Variants in EYS observed in about 807,000 individuals in gnomAD.
The protein encoded by EYS is protein eyes shut homolog.
In EYS, 250 loss-of-function variants were observed where a neutral mutation model predicts 282.1. That is an observed-to-expected ratio of 0.89 (90% CI 0.80 to 0.98). The LOEUF is 0.98. Ranked by LOEUF, EYS falls within the 50% of genes least tolerant of loss-of-function variation. The probability of loss-of-function intolerance (pLI) is 0.00; values close to 1 mark genes in which losing one functional copy is unlikely to be tolerated. For synonymous variants in EYS, 1,355 were observed against 1,282.9 expected, an observed-to-expected ratio of 1.06 and a Z score of -1.20; for missense variants, 4,016 against 3,709.0, an observed-to-expected ratio of 1.08 and a Z score of -2.15.
intron 31 of EYS, among the ~76,000 whole-genome samples, chr6:64,198,536 C>G (rs942840050): frequency 6.6e-6 from 1 of 151,730 alleles, no homozygotes; most frequent in African/African-American, 2.4e-5. Flanking sequence ...TACATGGGTT[C>G]TCATTGTTCA....
chr6:65,445,184 C>G (rs1768605922), intron 5 of EYS, among the ~76,000 whole-genome samples: 1 of 151,712 alleles, frequency 6.6e-6, no homozygotes, highest in African/African-American at 2.4e-5. Flanking sequence ...CCTAGTATGA[C>G]AAGCCAAAGG....
chr6:65,244,069 T>C (rs1414458816), intron 12 of EYS, among the ~76,000 whole-genome samples: 1 of 152,216 alleles, frequency 6.6e-6, no homozygotes, highest in Non-Finnish European at 1.5e-5. Context: ...CTCACTCTGA[T>C]AAATGGCAAT....
Position 63,789,205 on chromosome 6 carries a change from G to A in EYS, c.7431C>T (p.Phe2477=). 1 of 1,551,868 alleles carries A rather than the reference G, an allele frequency of 6.4e-7. No homozygotes were observed. The highest frequency in any genetic ancestry group is 8.7e-7 in the Non-Finnish European group (1 of 1,146,946). ...QKGHGLNGDD[F]LAVGLLNGSV... is the part of the protein sequence containing the mutation. ...TGCCATTGAGCAGGCCCACAGCCAG[G>A]AAGTCATCGCCATTCAACCCTGGAA... Residue 2477 remains phenylalanine, a synonymous_variant, in exon 38 of 43, where the codon TTC becomes TTT. Coordinates refer to ENST00000503581, the MANE Select transcript of EYS (RefSeq NM_001142800.2).
At chr6:65,500,871 T>A (rs183433906) in intron 2 of EYS, among the ~76,000 whole-genome samples, 3 of 151,892 alleles carry the variant, frequency 2.0e-5, no homozygotes, top group Non-Finnish European at 4.4e-5. Flanking sequence ...CACAAGACTG[T>A]CACAGATGAG....
chr6:65,560,954 C>T (rs1021568579), intron 2 of EYS, among the ~76,000 whole-genome samples: 4 of 151,684 alleles, frequency 2.6e-5, no homozygotes, highest in Non-Finnish European at 4.4e-5. Flanking sequence ...TTTTAAAGAC[C>T]TATTGGTACT....
chr6:64,618,688 T>A (rs1008100335), intron 23 of EYS, among the ~76,000 whole-genome samples: 10 of 152,200 alleles, frequency 6.6e-5, no homozygotes, highest in Admixed American at 5.9e-4. Flanking sequence ...GACATGGCAA[T>A]GTCCACATCA....
chr6:65,016,741 A>G (rs1193692872), intron 13 of EYS, among the ~76,000 whole-genome samples: 4 of 152,190 alleles, frequency 2.6e-5, no homozygotes, highest in African/African-American at 7.2e-5. Context: ...AAGGACATAT[A>G]GCAGGAAAAC....
chr6:63,918,887 T>A (rs1162519764), intron 35 of EYS, among the ~76,000 whole-genome samples: 1 of 152,186 alleles, frequency 6.6e-6, no homozygotes, highest in Non-Finnish European at 1.5e-5. Context: ...CATTCCTTAT[T>A]TTATTAAGTC....
At chr6:65,515,797 G>C (rs1456830088) in intron 2 of EYS, among the ~76,000 whole-genome samples, 1 of 114,524 alleles carries the variant, frequency 8.7e-6, no homozygotes, top group African/African-American at 3.3e-5. Context: ...GTTGTGGGGT[G>C]GGGGGAGGGG....
intron 12 of EYS, among the ~76,000 whole-genome samples, chr6:65,238,311 A>G (rs1342802805): frequency 2.0e-5 from 3 of 151,056 alleles, no homozygotes; most frequent in African/African-American, 7.3e-5. Context: ...ACATGAATCA[A>G]TAATACTAGA....
chr6:64,353,719 G>A (rs1030778876), intron 29 of EYS, among the ~76,000 whole-genome samples: 1 of 151,604 alleles, frequency 6.6e-6, no homozygotes, highest in Non-Finnish European at 1.5e-5. Flanking sequence ...AAGAACTGAT[G>A]GAAAGAAGTT....
At chr6:64,324,337 T>G (rs1770330832) in intron 29 of EYS, among the ~76,000 whole-genome samples, 1 of 152,116 alleles carries the variant, frequency 6.6e-6, no homozygotes, top group Admixed American at 6.6e-5. Context: ...CATATGCAAA[T>G]CAATAAATGT....
At chr6:65,143,369 C>T (rs1413265972) in intron 12 of EYS, among the ~76,000 whole-genome samples, 2 of 151,254 alleles carry the variant, frequency 1.3e-5, no homozygotes, top group Non-Finnish European at 1.5e-5. Flanking sequence ...CAGTGGTCAT[C>T]AATGGGATAT....
chr6:64,825,833 GT>G (rs1485693290), intron 19 of EYS, among the ~76,000 whole-genome samples: 2 of 151,440 alleles, frequency 1.3e-5, no homozygotes, highest in African/African-American at 2.4e-5. Flanking sequence ...CAAACTCTAA[GT>G]TATTCATCTG....
In EYS at chr6:63,870,368, G is replaced by T. The variant is rs1252278867; in HGVS notation, c.7056-6010C>A. On this transcript the variant is annotated intron_variant, in intron 35 of 42. Transcript: ENST00000503581. ...AGAAACACAGCACACAACGTCGATG[G>T]TTGTTCTTTTCTGATATTAAGAATT... Among the ~76,000 whole-genome samples, 6 of 152,232 alleles carry T rather than the reference G, an allele frequency of 3.9e-5. No homozygotes were observed. In the South Asian group the frequency reaches 1.2e-3, roughly 32 times the overall value.
At chr6:65,386,224 A>G (rs1028153159) in intron 7 of EYS, among the ~76,000 whole-genome samples, 2 of 151,468 alleles carry the variant, frequency 1.3e-5, no homozygotes, top group African/African-American at 2.4e-5. Flanking sequence ...CTCAGTACAC[A>G]CTAGGTAAGA....
At chr6:64,026,490 TC>T (rs1769520232) in intron 33 of EYS, among the ~76,000 whole-genome samples, 1 of 152,128 alleles carries the variant, frequency 6.6e-6, no homozygotes, top group African/African-American at 2.4e-5. Context: ...CCCAATATTC[TC>T]TCTCTGATGG....
At chr6:64,901,349 G>A (rs1261716736) in intron 18 of EYS, among the ~76,000 whole-genome samples, 3 of 142,652 alleles carry the variant, frequency 2.1e-5, no homozygotes, top group African/African-American at 8.0e-5. Context: ...TTCTAAAAAG[G>A]CAAAATTAAT....
intron 33 of EYS, among the ~76,000 whole-genome samples, chr6:63,999,785 A>C (rs1767995131): frequency 6.6e-6 from 1 of 152,244 alleles, no homozygotes; most frequent in Non-Finnish European, 1.5e-5. Context: ...AAAATGGTGA[A>C]TACACAACTG....
Sources: gnomAD v4.1 joint callset for allele counts (sites outside exome capture counted in the v4.1 genomes callset) on GRCh38, gnomAD v4.1.1 for gene constraint, MANE v1.5 for transcripts, NCBI Gene and HGNC (gene_info 2026-07-23, HGNC 2026-07-21) for gene names.